The following PLXNB2 variants were observed in gnomAD, a reference collection of about 807,000 sequenced individuals.
The protein encoded by PLXNB2 is plexin B2, also known as plexin-B2.
In PLXNB2, 85 loss-of-function variants were observed where a neutral mutation model predicts 202.6. That is an observed-to-expected ratio of 0.42 (90% CI 0.35 to 0.50). The LOEUF (loss-of-function observed/expected upper bound fraction) is 0.50, where lower values mean the gene tolerates loss of function less well. Ranked by LOEUF, PLXNB2 falls within the 20% of genes least tolerant of loss-of-function variation. PLXNB2 has a pLI of 0.02. For synonymous variants in PLXNB2, 1,239 were observed against 1,137.6 expected, an observed-to-expected ratio of 1.09 and a Z score of -1.79; for missense variants, 2,063 against 2,586.2, an observed-to-expected ratio of 0.80 and a Z score of 4.39.
At position 50,288,107 on chromosome 22, in the gene PLXNB2, C is replaced by G; in HGVS notation, c.1381-70G>C. The G allele has an allele frequency of 8.4e-7, 1 of 1,195,388 alleles. No individual in the cohort carries two copies. The highest frequency in any genetic ancestry group is 1.3e-5 in the South Asian group (1 of 75,656). The allele number at this position is 1,195,388 out of a possible 1,614,324, so 74.0% of individuals were successfully genotyped here. A position where few individuals can be genotyped will look rare whatever the true frequency, so the allele number is the denominator to read the frequency against. Reference sequence around the variant, plus strand: ...GGGCCTTCCGCAGACCCCAGATGTCCCCAGACCGCCAGCTTGACCCAGCTC... The same window carrying G: ...GGGCCTTCCGCAGACCCCAGATGTCGCCAGACCGCCAGCTTGACCCAGCTC... On this transcript the variant is annotated intron_variant, in intron 5 of 36. Coordinates refer to ENST00000359337, the MANE Select transcript of PLXNB2 (RefSeq NM_012401.4). The surrounding 1 kb of genome is among the most constrained non-coding windows in gnomAD (Gnocchi z 5.0).
Position 50,284,613 on chromosome 22 carries a change from G to C in PLXNB2, c.2141C>G (p.Thr714Ser). The C allele has an allele frequency of 6.2e-7, 1 of 1,612,616 alleles. No homozygotes were observed. Among genetic ancestry groups the C allele is most frequent in the Non-Finnish European group, 8.5e-7 (1 of 1,179,634 alleles). Reference sequence around the variant, plus strand: ...GGCGAAGGTCCCAGATTCCTGCATGGTCACCGGCTCCATGAACTTGAGCAA... The same window carrying C: ...GGCGAAGGTCCCAGATTCCTGCATGCTCACCGGCTCCATGAACTTGAGCAA... ...SDLLKFMEPV[T>S]MQESGTFAFR... Residue 714 changes from threonine (T) to serine (S), a missense_variant, in exon 12 of 37, where the codon ACC (threonine) becomes AGC (serine). Thr to Ser is a moderately conservative substitution (Grantham distance 58, BLOSUM62 1). This residue lies in a region of PLXNB2 where 1,303 missense variants were observed against 1,476.8 expected (regional missense o/e 0.88). Transcript: ENST00000359337. This position sits in a 1 kb window ranked among gnomAD's most constrained non-coding sequence, Gnocchi z 8.0.
chr22:50,291,436 G>A lies in PLXNB2; in HGVS notation c.-13-839C>T, dbSNP rs1391865356. Among the ~76,000 whole-genome samples, 1 of 152,202 alleles carries A rather than the reference G, an allele frequency of 6.6e-6. No homozygotes were observed. Among genetic ancestry groups the A allele is most frequent in the East Asian group, 1.9e-4 (1 of 5,178 alleles). ...TGTGTAACTGAGCACGTCTCGGTGT[G>A]GGGTCTGTGCCTGGGTCCGGGTGGA... is the stretch of plus-strand genomic sequence containing the variant. On this transcript the variant is annotated intron_variant, in intron 2 of 36. Transcript: ENST00000359337. The surrounding 1 kb of genome is among the most constrained non-coding windows in gnomAD (Gnocchi z 4.3).
chr22:50,283,848 C>A lies in PLXNB2; in HGVS notation c.2406G>T (p.Pro802=). The change falls in exon 14 of 37, where the codon CCG becomes CCT. Residue 802 remains proline (P), a synonymous_variant. Coordinates refer to ENST00000359337, the MANE Select transcript of PLXNB2 (RefSeq NM_012401.4). ...AGGGGCTCACCCTGGTGATGACGGG[C>A]GGCGGGCACTCGGAGGTGGTGTTGC... ...ALCNTTSECP[P]PVITRIQPET... The A allele has an allele frequency of 6.2e-7, 1 of 1,609,548 alleles. No individual in the cohort carries two copies. The highest frequency in any genetic ancestry group is 1.3e-5 in the African/African-American group (1 of 74,928).
intron 1 of PLXNB2, among the ~76,000 whole-genome samples, chr22:50,304,913 C>A (rs1367009983): frequency 6.6e-6 from 1 of 152,222 alleles, no homozygotes; most frequent in Non-Finnish European, 1.5e-5. Context: ...ATCCCCAAAC[C>A]GTGTCCAAGG....
At chr22:50,305,344 G>A (rs953319042) in intron 1 of PLXNB2, among the ~76,000 whole-genome samples, 2 of 152,226 alleles carry the variant, frequency 1.3e-5, no homozygotes, top group Non-Finnish European at 2.9e-5. Flanking sequence ...GGGGCCAGCT[G>A]CCGGCTCCTC....
At chr22:50,282,495 C>T (rs756578322) in intron 18 of PLXNB2, 182 bp from the exon 19 acceptor site, 62 of 715,888 alleles carry the variant, frequency 8.7e-5, no homozygotes, top group African/African-American at 2.5e-4. Context: ...CGCAAGTGGG[C>T]GGGGGGCACA....
In PLXNB2 at chr22:50,289,419, C is replaced by T; in HGVS notation, c.1068+98G>A. Reference sequence around the variant, plus strand: ...CCCAGGCTGGCGAGAGCCACGGCCACACTGCTCACGTGCACCCTCCCCAGC... The same window carrying T: ...CCCAGGCTGGCGAGAGCCACGGCCATACTGCTCACGTGCACCCTCCCCAGC... On this transcript the variant is annotated intron_variant, in intron 3 of 36. Transcript: ENST00000359337. This position sits in a 1 kb window ranked among gnomAD's most constrained non-coding sequence, Gnocchi z 8.0. 13 of 1,416,782 alleles carry T rather than the reference C, an allele frequency of 9.2e-6. No individual in the cohort carries two copies. The highest frequency in any genetic ancestry group is 2.8e-5 in the South Asian group (2 of 70,542). The allele number at this position is 1,416,782 out of a possible 1,614,324, so 87.8% of individuals were successfully genotyped here.
intron 2 of PLXNB2, among the ~76,000 whole-genome samples, chr22:50,293,365 C>T (rs1321640034): frequency 6.6e-6 from 1 of 152,198 alleles, no homozygotes; most frequent in African/African-American, 2.4e-5. Flanking sequence ...ACCCCCGCCG[C>T]GCCCCTCCCC....
chr22:50,282,135 G>A, intron 19 of PLXNB2, 49 bp downstream of exon 19: 1 of 1,603,892 alleles, frequency 6.2e-7, no homozygotes, highest in Non-Finnish European at 8.5e-7. Context: ...CCCTTCCTGG[G>A]CACGATCCCA....
rs752061694 is a variant in PLXNB2, at chr22:50,288,032, G to C, written c.1386C>G (p.Phe462Leu). 12 of 1,557,446 alleles carry C rather than the reference G, an allele frequency of 7.7e-6. No homozygotes were observed. In the South Asian group the frequency reaches 1.2e-4, roughly 15 times the overall value. The change falls in exon 6 of 37, where the codon TTC becomes TTG. Residue 462 changes from phenylalanine (F) to leucine (L), a missense_variant. Physicochemically the swap from Phe to Leu is conservative, Grantham distance 22. Coordinates refer to ENST00000359337, the MANE Select transcript of PLXNB2 (RefSeq NM_012401.4). The surrounding 1 kb of genome is among the most constrained non-coding windows in gnomAD (Gnocchi z 5.0). ...SLYAMTQDKV[F>L]RLPVQECLSY... Reference sequence around the variant, plus strand: ...TCAGGCACTCCTGCACCGGCAGCCGGAACACCTAGGGCAGCGGGGCCGTGA... The same window carrying C: ...TCAGGCACTCCTGCACCGGCAGCCGCAACACCTAGGGCAGCGGGGCCGTGA...
chr22:50,295,878 C>A (rs1406276670), intron 1 of PLXNB2, among the ~76,000 whole-genome samples: 1 of 151,960 alleles, frequency 6.6e-6, no homozygotes, highest in African/African-American at 2.4e-5. Context: ...CTGAAGTGGG[C>A]GGATCACGAG....
In PLXNB2 at chr22:50,282,339, C is replaced by A. The variant is rs2066056003; in HGVS notation, c.2988-26G>T. 1.9e-6 allele frequency: 3 copies of A among 1,569,558 alleles called. No homozygotes were observed. In the Admixed American group the frequency reaches 5.6e-5, roughly 29 times the overall value. On this transcript the variant is annotated intron_variant, in intron 18 of 36. Coordinates refer to ENST00000359337, the MANE Select transcript of PLXNB2 (RefSeq NM_012401.4). Reference sequence around the variant, plus strand: ...CTGCGGAGGGCAGTGCCTTCGTGGGCTCGGCTGGCAGGGGTGGTCCCTGCA... The same window carrying A: ...CTGCGGAGGGCAGTGCCTTCGTGGGATCGGCTGGCAGGGGTGGTCCCTGCA...
Position 50,287,782 on chromosome 22 carries a change from T to C in PLXNB2, c.1493A>G (p.Lys498Arg). ...CTCCTCGGCCCGCGGACACTCGGCC[T>C]TCCGGGTGCATCTGCAGGCGCAGGG... ...WCVVEGRCTR[K>R]AECPRAEEAS... Residue 498 changes from lysine (K) to arginine (R), a missense_variant, in exon 7 of 37, where the codon AAG becomes AGG. By Grantham distance (26) the Lys-to-Arg change is conservative (BLOSUM62 2). Transcript: ENST00000359337. 1 of 1,590,414 alleles carries C rather than the reference T, an allele frequency of 6.3e-7. No homozygotes were observed. Among genetic ancestry groups the C allele is most frequent in the Non-Finnish European group, 8.5e-7 (1 of 1,175,624 alleles).
At position 50,277,659 on chromosome 22, in the gene PLXNB2, C is replaced by T; in HGVS notation, c.5128G>A (p.Ala1710Thr). Residue 1710 changes from alanine (A) to threonine (T), a missense_variant, in exon 33 of 37, where the codon GCC becomes ACC. Transcript: ENST00000359337. ...GTCTGCGCGATGACTGACAGCGAGGCGTCCACCACCTCGTGGACATGCACG... is the reference window on the plus strand; with the variant it reads ...GTCTGCGCGATGACTGACAGCGAGGTGTCCACCACCTCGTGGACATGCACG... ...FDVHVHEVVD[A>T]SLSVIAQTFM... The T allele has an allele frequency of 6.2e-7, 1 of 1,608,728 alleles. No individual in the cohort carries two copies. The highest frequency in any genetic ancestry group is 8.5e-7 in the Non-Finnish European group (1 of 1,176,994).
intron 18 of PLXNB2, 51 bp from the exon 19 acceptor site, chr22:50,282,364 A>G (rs374457960): frequency 6.5e-7 from 1 of 1,550,204 alleles, no homozygotes; most frequent in African/African-American, 1.4e-5. Context: ...TGGTCCCTGC[A>G]GCCTCCGCCC....
Position 50,277,984 on chromosome 22 carries a change from G to A in PLXNB2, c.4917C>T (p.Phe1639=), listed in dbSNP as rs1173243448. 1 of 1,612,994 alleles carries A rather than the reference G, an allele frequency of 6.2e-7. No homozygotes were observed. The highest frequency in any genetic ancestry group is 8.5e-7 in the Non-Finnish European group (1 of 1,179,880). The part of the protein sequence containing the change: ...KGTLQQFVDN[F]FQSVLAPGHA... ...GCCCAGGCGCCAGCACGCTCTGGAA[G>A]AAGTTGTCCACAAACTGCTGCAGTG... is the stretch of plus-strand genomic sequence containing the variant. Residue 1639 remains phenylalanine, a synonymous_variant, in exon 32 of 37, where the codon TTC becomes TTT. Coordinates refer to ENST00000359337, the MANE Select transcript of PLXNB2 (RefSeq NM_012401.4).
chr22:50,280,460 G>T, intron 25 of PLXNB2, 29 bp downstream of exon 25: 1 of 1,573,854 alleles, frequency 6.4e-7, no homozygotes, highest in Non-Finnish European at 8.6e-7. Context: ...CCCGCCCGTG[G>T]CCCCGCTCGT....
chr22:50,275,568 G>C lies in PLXNB2; in HGVS notation c.*136C>G. 1 of 660,516 alleles carries C rather than the reference G, an allele frequency of 1.5e-6. No individual in the cohort carries two copies. The highest frequency in any genetic ancestry group is 2.7e-6 in the Non-Finnish European group (1 of 366,372). 40.9% of individuals were successfully genotyped at this position (660,516 alleles called of 1,614,324 possible). A position where few individuals can be genotyped will look rare whatever the true frequency, so the allele number is the denominator to read the frequency against. On this transcript the variant is annotated 3_prime_UTR_variant, in exon 37 of 37. Coordinates refer to ENST00000359337, the MANE Select transcript of PLXNB2 (RefSeq NM_012401.4). ...ACAGTCTAGACGCTGGGCGGGTTCCGGCTGCACCCACTCCGGCTTGGGGCG... is the reference window on the plus strand; with the variant it reads ...ACAGTCTAGACGCTGGGCGGGTTCCCGCTGCACCCACTCCGGCTTGGGGCG...
At chr22:50,294,863 T>A (rs1467593925) in intron 1 of PLXNB2, 85 bp from the exon 2 acceptor site, 7 of 684,228 alleles carry the variant, frequency 1.0e-5, no homozygotes, top group Non-Finnish European at 1.3e-5. Flanking sequence ...CTGGTGGGGC[T>A]TGGGGGAAGA....
Sources: allele counts gnomAD v4.1 joint callset (sites outside exome capture counted in the v4.1 genomes callset), GRCh38; gene constraint gnomAD v4.1.1; regional missense constraint gnomAD v4.1.1; non-coding constraint Gnocchi (gnomAD v3.1); transcripts MANE v1.5; gene names NCBI Gene and HGNC (gene_info 2026-07-23, HGNC 2026-07-21).